The following HCRTR2 variants were observed in gnomAD, a reference collection of about 807,000 sequenced individuals.
HCRTR2 encodes orexin receptor type 2.
In HCRTR2, 22 loss-of-function variants were observed where a neutral mutation model predicts 49.0. The observed-to-expected ratio is 0.45, with a 90% CI of 0.32 to 0.64. HCRTR2 has a LOEUF of 0.64. Among genes scored for constraint, HCRTR2 ranks in the 30% least tolerant of loss-of-function variants. HCRTR2 has a pLI of 0.04. For missense variants in HCRTR2, 491 were observed against 559.4 expected, an observed-to-expected ratio of 0.88 and a Z score of 1.23; for synonymous variants, 236 against 205.3, an observed-to-expected ratio of 1.15 and a Z score of -1.28.
intron 2 of HCRTR2, among the ~76,000 whole-genome samples, chr6:55,249,768 A>G (rs762691598): frequency 5.3e-5 from 8 of 152,090 alleles, no homozygotes; most frequent in Non-Finnish European, 8.8e-5. Flanking sequence ...GATTCATCAG[A>G]TAATGTTCAC....
intron 4 of HCRTR2, among the ~76,000 whole-genome samples, chr6:55,275,059 T>G (rs1380051076): frequency 2.0e-5 from 3 of 152,170 alleles, no homozygotes; most frequent in Non-Finnish European, 2.9e-5. Flanking sequence ...GTTGGCAAAT[T>G]CATTGTTTAT....
chr6:55,213,992 A>C (rs1439799289), intron 1 of HCRTR2, among the ~76,000 whole-genome samples: 4 of 152,044 alleles, frequency 2.6e-5, no homozygotes, highest in Admixed American at 2.6e-4. Context: ...AAAAAAAAAA[A>C]ATGAGTTTTT....
At chr6:55,278,141 A>T (rs1353513178) in intron 5 of HCRTR2, among the ~76,000 whole-genome samples, 1 of 152,166 alleles carries the variant, frequency 6.6e-6, no homozygotes, top group Non-Finnish European at 1.5e-5. Flanking sequence ...TCCTGAAGTC[A>T]CTGAATGAAG....
At chr6:55,240,475 T>C (rs1273890576) in intron 1 of HCRTR2, among the ~76,000 whole-genome samples, 2 of 151,580 alleles carry the variant, frequency 1.3e-5, no homozygotes, top group Non-Finnish European at 2.9e-5. Flanking sequence ...TCCGTCAGCG[T>C]TGTAAAAAAG....
chr6:55,262,346 T>C (rs1039397531), intron 3 of HCRTR2, among the ~76,000 whole-genome samples: 1 of 141,442 alleles, frequency 7.1e-6, no homozygotes. Context: ...TATATAATAT[T>C]ATATATAAAT....
chr6:55,201,792 A>G lies in HCRTR2; in HGVS notation c.223+26982A>G, dbSNP rs539277370. 5.3e-5 allele frequency among the ~76,000 whole-genome samples: 8 copies of G among 152,288 alleles called. No individual in the cohort carries two copies. In the South Asian group the frequency reaches 1.2e-3, roughly 24 times the overall value. ...AATATTTTATACTTCAAGAAGACCT[A>G]GTTTTCCAAATTATTTACATCCACA... On this transcript the variant is annotated intron_variant, in intron 1 of 6. Coordinates refer to ENST00000370862, the MANE Select transcript of HCRTR2 (RefSeq NM_001384272.1).
intron 1 of HCRTR2, among the ~76,000 whole-genome samples, chr6:55,204,001 A>G (rs1765556838): frequency 6.6e-6 from 1 of 152,098 alleles, no homozygotes; most frequent in Non-Finnish European, 1.5e-5. Context: ...CTAAGGGTGT[A>G]TATCAGATCT....
At chr6:55,190,881 TC>T (rs1315655415) in intron 1 of HCRTR2, among the ~76,000 whole-genome samples, 1 of 152,154 alleles carries the variant, frequency 6.6e-6, no homozygotes, top group Admixed American at 6.6e-5. Context: ...AAATAGAGCC[TC>T]AGTTCACCAA....
At chr6:55,126,772 T>C (rs542381359) in intron 1 of HCRTR2, among the ~76,000 whole-genome samples, 5 of 152,204 alleles carry the variant, frequency 3.3e-5, no homozygotes, top group Admixed American at 6.5e-5. Flanking sequence ...AGGGATTCCC[T>C]GCCCAGAGAG....
At chr6:55,246,902 A>G (rs2127310588) in intron 1 of HCRTR2, among the ~76,000 whole-genome samples, 1 of 152,160 alleles carries the variant, frequency 6.6e-6, no homozygotes. Flanking sequence ...TATTGTCTAG[A>G]TTGTCTAGAT....
At chr6:55,189,382 T>G (rs1050836924) in intron 1 of HCRTR2, among the ~76,000 whole-genome samples, 2 of 151,872 alleles carry the variant, frequency 1.3e-5, no homozygotes, top group Non-Finnish European at 2.9e-5. Flanking sequence ...GGATAGAATA[T>G]GAAAAAAAAT....
In HCRTR2 at chr6:55,266,248, A is replaced by G. The variant is rs543261075; in HGVS notation, c.762+2426A>G. Reference sequence around the variant, plus strand: ...TTTTTTAAAAAATGCACATTGAAATACCAGTATGGTGCTTCTTATTTGTCT... The same window carrying G: ...TTTTTTAAAAAATGCACATTGAAATGCCAGTATGGTGCTTCTTATTTGTCT... On this transcript the variant is annotated intron_variant, in intron 4 of 6. Transcript: ENST00000370862. Among the ~76,000 whole-genome samples, 3 of 152,310 alleles carry G rather than the reference A, an allele frequency of 2.0e-5. No homozygotes were observed. The South Asian group carries it at 6.2e-4, about 32-fold the overall frequency.
At chr6:55,135,407 C>T (rs1764419803) in intron 1 of HCRTR2, among the ~76,000 whole-genome samples, 2 of 152,074 alleles carry the variant, frequency 1.3e-5, no homozygotes, top group South Asian at 2.1e-4. Flanking sequence ...AGACCTCTAG[C>T]TAATCAGAAT....
At chr6:55,138,597 A>G (rs1340835546) in intron 1 of HCRTR2, among the ~76,000 whole-genome samples, 1 of 152,210 alleles carries the variant, frequency 6.6e-6, no homozygotes, top group Non-Finnish European at 1.5e-5. Flanking sequence ...TGCTTTACAT[A>G]TATGAATTCC....
chr6:55,282,019 C>T (rs1367615981), intron 6 of HCRTR2, among the ~76,000 whole-genome samples: 1 of 152,066 alleles, frequency 6.6e-6, no homozygotes, highest in Non-Finnish European at 1.5e-5. Flanking sequence ...AAGGCAGCCT[C>T]GTTATTTTAT....
chr6:55,278,382 A>C (rs1284278972), intron 5 of HCRTR2, among the ~76,000 whole-genome samples: 1 of 152,184 alleles, frequency 6.6e-6, no homozygotes, highest in Non-Finnish European at 1.5e-5. Context: ...CTTCGAACTT[A>C]AGCTAGAATT....
chr6:55,272,958 C>G (rs1435867968), intron 4 of HCRTR2, among the ~76,000 whole-genome samples: 1 of 148,328 alleles, frequency 6.7e-6, no homozygotes, highest in Non-Finnish European at 1.5e-5. Flanking sequence ...GTGAGAAGAT[C>G]AGTTATTGCA....
At chr6:55,167,333 AC>A (rs1764891460) in intron 1 of HCRTR2, among the ~76,000 whole-genome samples, 1 of 152,116 alleles carries the variant, frequency 6.6e-6, no homozygotes, top group African/African-American at 2.4e-5. Flanking sequence ...AACCTCTTTC[AC>A]CATAACTATA....
At chr6:55,153,502 A>T (rs1764689517) in intron 1 of HCRTR2, among the ~76,000 whole-genome samples, 1 of 152,066 alleles carries the variant, frequency 6.6e-6, no homozygotes, top group African/African-American at 2.4e-5. Context: ...ATATTGCATC[A>T]TACTCTCATG....
Sources: gnomAD v4.1 joint callset for allele counts (sites outside exome capture counted in the v4.1 genomes callset) on GRCh38, gnomAD v4.1.1 for gene constraint, MANE v1.5 for transcripts, NCBI Gene and HGNC (gene_info 2026-07-23, HGNC 2026-07-21) for gene names.